Variants in CSPG4 observed in about 807,000 individuals in gnomAD.
CSPG4 encodes chondroitin sulfate proteoglycan 4 (melanoma-associated).
A neutral mutation model predicts 139.3 loss-of-function variants in CSPG4; 74 were observed. That is an observed-to-expected ratio of 0.53 (90% CI 0.44 to 0.64). The LOEUF (loss-of-function observed/expected upper bound fraction) is 0.64, where lower values mean the gene tolerates loss of function less well. Among genes scored for constraint, CSPG4 ranks in the 30% least tolerant of loss-of-function variants. The pLI is 0.00. For synonymous variants in CSPG4, 1,234 were observed against 1,394.2 expected, an observed-to-expected ratio of 0.89 and a Z score of 2.56; for missense variants, 2,565 against 3,148.3, an observed-to-expected ratio of 0.81 and a Z score of 4.43.
At chr15:75,682,799 C>T (rs763218968) in intron 6 of CSPG4, 44 bp downstream of exon 6, 8 of 1,606,470 alleles carry the variant, frequency 5.0e-6, no homozygotes, top group South Asian at 2.2e-5. Flanking sequence ...CTCAGGGCAC[C>T]CCCGTGGGCA....
At chr15:75,695,944 G>T (rs986737113) in intron 1 of CSPG4, among the ~76,000 whole-genome samples, 1 of 152,160 alleles carries the variant, frequency 6.6e-6, no homozygotes, top group Admixed American at 6.5e-5. Context: ...AAAGTAGAAT[G>T]GGTCAAGCTA....
chr15:75,693,932 G>C (rs1894195440), intron 1 of CSPG4, among the ~76,000 whole-genome samples: 1 of 152,230 alleles, frequency 6.6e-6, no homozygotes, highest in Non-Finnish European at 1.5e-5. Flanking sequence ...AGGCCAGATG[G>C]GGACCATGTG....
intron 1 of CSPG4, among the ~76,000 whole-genome samples, chr15:75,702,957 T>C (rs1234873501): frequency 7.1e-6 from 1 of 141,676 alleles, no homozygotes; most frequent in Non-Finnish European, 1.5e-5. Flanking sequence ...TGGGACAGGA[T>C]GTAGCCTGCA....
rs1414359468 is a variant in CSPG4, at chr15:75,682,703, C to T, written c.4687G>A (p.Gly1563Ser). The T allele has an allele frequency of 3.7e-6, 6 of 1,612,880 alleles. No homozygotes were observed. Among genetic ancestry groups the T allele is most frequent in the Admixed American group, 1.7e-5 (1 of 60,002 alleles). ...DGGFRFRLSD[G>S]EHTSPGHFFR... ...AAGTGTCCGGGGGAAGTGTGCTCGC[C>T]GTCAGAGAGGCGGAAGCGGAAGCCT... The change falls in exon 7 of 10, where the codon GGC becomes AGC. Residue 1563 changes from glycine (G) to serine (S), a missense_variant. Around this residue, in one of 5 missense-constraint regions of CSPG4, gnomAD observed 2,316 missense variants for 2,818.2 expected, o/e 0.82. Transcript: ENST00000308508.
In CSPG4 at chr15:75,682,829, C is replaced by T. The variant is rs750888913; in HGVS notation, c.4648+14G>A. The T allele has an allele frequency of 1.2e-6, 2 of 1,605,852 alleles. No homozygotes were observed. Among genetic ancestry groups the T allele is most frequent in the Non-Finnish European group, 1.7e-6 (2 of 1,176,088 alleles). ...TGGGCAGCAGGAACCCGAGGCCCGG[C>T]CCTCAGCACCCACCTCTGTGTGAGA... is the stretch of plus-strand genomic sequence containing the variant. On this transcript the variant is annotated intron_variant, in intron 6 of 9. Coordinates refer to ENST00000308508, the MANE Select transcript of CSPG4 (RefSeq NM_001897.5).
At position 75,685,710 on chromosome 15, in the gene CSPG4, C is replaced by A; in HGVS notation, c.3790-9G>T. On this transcript the variant is annotated splice_polypyrimidine_tract_variant and intron_variant, in intron 3 of 9. Transcript: ENST00000308508. ...ACTGCCTCCTGGGCTGCCTGGTTAACAGAGGTCACAAGGACTCACAGGGGG... is the reference window on the plus strand; with the variant it reads ...ACTGCCTCCTGGGCTGCCTGGTTAAAAGAGGTCACAAGGACTCACAGGGGG... 6.3e-7 allele frequency: 1 copy of A among 1,580,110 alleles called. No homozygotes were observed. Among genetic ancestry groups the A allele is most frequent in the Non-Finnish European group, 8.6e-7 (1 of 1,167,830 alleles).
rs762901959 is a variant in CSPG4 at position 75,687,472 on chromosome 15, A to G, written c.3593T>C (p.Leu1198Pro). Reference sequence around the variant, plus strand: ...GCTGAGGCTGCCATTGTGGCTATAGAGAACGGCCCCATCCAGCAGGTCCTG... The same window carrying G: ...GCTGAGGCTGCCATTGTGGCTATAGGGAACGGCCCCATCCAGCAGGTCCTG... ...SQQDLLDGAV[L>P]YSHNGSLSPR... The change falls in exon 3 of 10, where the codon CTC becomes CCC. Residue 1198 changes from leucine (L) to proline (P), a missense_variant. Leu to Pro is a moderately conservative substitution (Grantham distance 98). Around this residue, in one of 5 missense-constraint regions of CSPG4, gnomAD observed 2,316 missense variants for 2,818.2 expected, o/e 0.82. Coordinates refer to ENST00000308508, the MANE Select transcript of CSPG4 (RefSeq NM_001897.5). The surrounding 1 kb of genome is among the most constrained non-coding windows in gnomAD (Gnocchi z 5.4). 5.6e-5 allele frequency: 90 copies of G among 1,612,346 alleles called. No individual in the cohort carries two copies. The highest frequency in any genetic ancestry group is 7.0e-5 in the Non-Finnish European group (82 of 1,179,614).
At chr15:75,707,675 C>G (rs1894392113) in intron 1 of CSPG4, among the ~76,000 whole-genome samples, 1 of 152,226 alleles carries the variant, frequency 6.6e-6, no homozygotes, top group African/African-American at 2.4e-5. Context: ...TTCATGGAAC[C>G]CAATCTATAA....
intron 1 of CSPG4, among the ~76,000 whole-genome samples, chr15:75,708,711 G>A (rs1894405339): frequency 6.6e-6 from 1 of 152,224 alleles, no homozygotes; most frequent in South Asian, 2.1e-4. Context: ...TTTTCTCTGA[G>A]CCTCAGTTTC....
intron 1 of CSPG4, among the ~76,000 whole-genome samples, chr15:75,699,702 C>A (rs114246896): frequency 1.3e-5 from 2 of 152,244 alleles, no homozygotes; most frequent in South Asian, 2.1e-4. Flanking sequence ...TCCACCCAGG[C>A]GGGAGGGCTG....
Position 75,676,983 on chromosome 15 carries a change from C to T in CSPG4, c.5536G>A (p.Gly1846Ser). Residue 1846 changes from glycine (G) to serine (S), a missense_variant, in exon 10 of 10, where the codon GGC (glycine) becomes AGC (serine). By Grantham distance (56) the Gly-to-Ser change is moderately conservative. Coordinates refer to ENST00000308508, the MANE Select transcript of CSPG4 (RefSeq NM_001897.5). ...QASVPLRLTR[G>S]SRAPISRAQL... Reference sequence around the variant, plus strand: ...GCCCGGGAGATGGGGGCACGAGAGCCTCGGGTGAGCCGGAGTGGGACAGAG... The same window carrying T: ...GCCCGGGAGATGGGGGCACGAGAGCTTCGGGTGAGCCGGAGTGGGACAGAG... 6.8e-7 allele frequency: 1 copy of T among 1,477,910 alleles called. No homozygotes were observed. Among genetic ancestry groups the T allele is most frequent in the Non-Finnish European group, 9.0e-7 (1 of 1,108,982 alleles). The allele number at this position is 1,477,910 out of a possible 1,614,324, so 91.5% of individuals were successfully genotyped here. A position where few individuals can be genotyped will look rare whatever the true frequency, so the allele number is the denominator to read the frequency against.
chr15:75,700,630 C>T (rs1894289696), intron 1 of CSPG4, among the ~76,000 whole-genome samples: 2 of 152,118 alleles, frequency 1.3e-5, no homozygotes, highest in Admixed American at 6.5e-5. Context: ...GAGGGCCAGG[C>T]TCTCTCCTGG....
rs1024422153 is a variant in CSPG4, at chr15:75,698,222, G to A, written c.89-4989C>T. Among the ~76,000 whole-genome samples, 6 of 152,116 alleles carry A rather than the reference G, an allele frequency of 3.9e-5. No individual in the cohort carries two copies. Among genetic ancestry groups the A allele is most frequent in the Admixed American group, 2.6e-4 (4 of 15,288 alleles). Reference sequence around the variant, plus strand: ...CCTGGCTCCAGGTCTGGGCAGGCAGGGGTGAGGGAGTCTGAGGGGGCTGTG... The same window carrying A: ...CCTGGCTCCAGGTCTGGGCAGGCAGAGGTGAGGGAGTCTGAGGGGGCTGTG... On this transcript the variant is annotated intron_variant, in intron 1 of 9. Coordinates refer to ENST00000308508, the MANE Select transcript of CSPG4 (RefSeq NM_001897.5). The surrounding 1 kb of genome is among the most constrained non-coding windows in gnomAD (Gnocchi z 4.3).
At chr15:75,693,383 C>A (rs545221058) in intron 1 of CSPG4, 150 bp from the exon 2 acceptor site, 57 of 743,340 alleles carry the variant, frequency 7.7e-5, no homozygotes, top group Admixed American at 2.2e-4. Context: ...GAGCACTGCC[C>A]GGGTCCCAGC....
chr15:75,687,684 G>T lies in CSPG4; in HGVS notation c.3381C>A (p.Leu1127=), dbSNP rs1243406222. 2.5e-6 allele frequency: 4 copies of T among 1,612,936 alleles called. No homozygotes were observed. The highest frequency in any genetic ancestry group is 2.7e-5 in the African/African-American group (2 of 75,060). ...LLEVQASEPY[L]RVANGSSLVV... is the part of the protein sequence containing the mutation. ...CAAGGCTGGAGCCGTTGGCCACACG[G>T]AGGTAGGGTTCCGAGGCCTGCACCT... The change falls in exon 3 of 10, where the codon CTC becomes CTA. Residue 1127 remains leucine, a synonymous_variant. Coordinates refer to ENST00000308508, the MANE Select transcript of CSPG4 (RefSeq NM_001897.5). The surrounding 1 kb of genome is among the most constrained non-coding windows in gnomAD (Gnocchi z 5.4).
In CSPG4 at chr15:75,682,230, A is replaced by T. The variant is rs149646563; in HGVS notation, c.4950+63T>A. ...TGGCATCCATGTCCACATGATGTCC[A>T]TGGCACAGCGGCCACCTGAGGCTGG... On this transcript the variant is annotated intron_variant, in intron 8 of 9. Transcript: ENST00000308508. 540 of 1,577,412 alleles carry T rather than the reference A, an allele frequency of 3.4e-4. 2 individuals carry two copies. The African/African-American group carries it at 6.4e-3, about 19-fold the overall frequency.
chr15:75,694,633 T>C (rs1894204110), intron 1 of CSPG4, among the ~76,000 whole-genome samples: 1 of 152,192 alleles, frequency 6.6e-6, no homozygotes, highest in Non-Finnish European at 1.5e-5. Flanking sequence ...CCAGCCCCAC[T>C]GGGAGGGATG....
intron 1 of CSPG4, among the ~76,000 whole-genome samples, chr15:75,694,254 C>G (rs999932817): frequency 6.6e-6 from 1 of 152,240 alleles, no homozygotes; most frequent in African/African-American, 2.4e-5. Context: ...CTGTCCCATA[C>G]TGGGACTCCT....
At chr15:75,710,497 G>C (rs1012258596) in intron 1 of CSPG4, among the ~76,000 whole-genome samples, 10 of 152,264 alleles carry the variant, frequency 6.6e-5, no homozygotes, top group Admixed American at 6.5e-4. Flanking sequence ...TTCCTGGGCT[G>C]CTGGGGTTCT....
Sources: allele counts gnomAD v4.1 joint callset (sites outside exome capture counted in the v4.1 genomes callset), GRCh38; gene constraint gnomAD v4.1.1; regional missense constraint gnomAD v4.1.1; non-coding constraint Gnocchi (gnomAD v3.1); transcripts MANE v1.5; gene names NCBI Gene and HGNC (gene_info 2026-07-23, HGNC 2026-07-21).